FAM184A: variants seen among roughly 807,000 people sequenced by gnomAD.
FAM184A encodes protein FAM184A.
In FAM184A, 99 loss-of-function variants were observed where a neutral mutation model predicts 143.8. That is an observed-to-expected ratio of 0.69 (90% CI 0.58 to 0.81). The LOEUF is 0.81. FAM184A is among the 40% of genes least tolerant of loss of function. The pLI, the probability that FAM184A is intolerant of heterozygous loss-of-function variation, is 0.00. For synonymous variants in FAM184A, 427 were observed against 446.4 expected (o/e 0.96, Z 0.55); for missense variants, 1,217 against 1,310.5 (o/e 0.93, Z 1.10).
At chr6:119,104,197 T>C (rs1010089888) in intron 1 of FAM184A, among the ~76,000 whole-genome samples, 2 of 152,096 alleles carry the variant, frequency 1.3e-5, no homozygotes, top group Admixed American at 6.6e-5. Context: ...CTAATTTTTG[T>C]ATTTTTGCCA....
chr6:118,980,413 C>A, intron 9 of FAM184A, 63 bp from the exon 10 acceptor site: 1 of 1,274,306 alleles, frequency 7.8e-7, no homozygotes. Context: ...AACTACCCAG[C>A]AAAGGGGGAA....
intron 9 of FAM184A, among the ~76,000 whole-genome samples, chr6:119,001,998 T>C (rs1331350251): frequency 6.6e-6 from 1 of 152,172 alleles, no homozygotes; most frequent in Non-Finnish European, 1.5e-5. Context: ...AATGTAAACA[T>C]ACATATGTAT....
chr6:119,122,029 A>G (rs1305749547), intron 1 of FAM184A, among the ~76,000 whole-genome samples: 1 of 152,176 alleles, frequency 6.6e-6, no homozygotes, highest in Non-Finnish European at 1.5e-5. Flanking sequence ...TCGGCCTCCC[A>G]AAGTGCTGGG....
chr6:119,104,474 A>G (rs1230040847), intron 1 of FAM184A, among the ~76,000 whole-genome samples: 2 of 152,240 alleles, frequency 1.3e-5, no homozygotes, highest in Non-Finnish European at 2.9e-5. Flanking sequence ...ATAGTGCCTG[A>G]TAATAAAAGC....
intron 1 of FAM184A, among the ~76,000 whole-genome samples, chr6:119,131,771 C>T (rs1789541893): frequency 6.6e-6 from 1 of 151,980 alleles, no homozygotes; most frequent in Admixed American, 6.6e-5. Flanking sequence ...GCATGAGCCA[C>T]TGTGCCCAGC....
At chr6:119,102,505 A>G (rs534889691) in intron 1 of FAM184A, among the ~76,000 whole-genome samples, 54 of 152,198 alleles carry the variant, frequency 3.5e-4, no homozygotes, top group Middle Eastern at 6.8e-3. Context: ...ATATCACTAT[A>G]GGCTGGGCAC....
chr6:119,140,551 C>T (rs1237625417), intron 1 of FAM184A, among the ~76,000 whole-genome samples: 4 of 152,198 alleles, frequency 2.6e-5, no homozygotes, highest in East Asian at 1.9e-4. Flanking sequence ...CCATGCTCTC[C>T]GCTTTCTTTC....
At chr6:119,086,667 G>C (rs1788232054) in intron 1 of FAM184A, among the ~76,000 whole-genome samples, 1 of 152,194 alleles carries the variant, frequency 6.6e-6, no homozygotes. Flanking sequence ...CTTATGGAAG[G>C]GGACTTACAT....
At chr6:119,082,769 G>A (rs557598925), upstream of FAM184A, among the ~76,000 whole-genome samples, 15 of 152,314 alleles carry the variant, frequency 9.8e-5, no homozygotes, top group South Asian at 4.1e-4. Flanking sequence ...AGTGTTGAGC[G>A]CCTGTGGCTT....
intron 1 of FAM184A, among the ~76,000 whole-genome samples, chr6:119,051,618 C>T (rs1315905785): frequency 6.6e-6 from 1 of 152,006 alleles, no homozygotes; most frequent in Non-Finnish European, 1.5e-5. Context: ...ATCAAAACAT[C>T]TCATATACCC....
intron 1 of FAM184A, among the ~76,000 whole-genome samples, chr6:119,075,112 CAAACCTTTG>C (rs2114795614): frequency 6.6e-6 from 1 of 152,256 alleles, no homozygotes; most frequent in African/African-American, 2.4e-5. Flanking sequence ...CATAGCCAGC[CAAACCTTTG>C]AAACATGCAC....
chr6:119,142,663 G>A (rs1289614424), intron 1 of FAM184A, among the ~76,000 whole-genome samples: 1 of 152,160 alleles, frequency 6.6e-6, no homozygotes, highest in Non-Finnish European at 1.5e-5. Context: ...CCAGTACGAA[G>A]CCTCAGCATC....
chr6:118,989,468 C>A (rs1784297162), intron 9 of FAM184A, among the ~76,000 whole-genome samples: 1 of 116,246 alleles, frequency 8.6e-6, no homozygotes, highest in Non-Finnish European at 2.1e-5. Context: ...CTTTTGTTTC[C>A]ATTTTTTGCA....
chr6:119,137,714 G>A (rs574684070), intron 1 of FAM184A, among the ~76,000 whole-genome samples: 32 of 152,318 alleles, frequency 2.1e-4, no homozygotes, highest in African/African-American at 7.5e-4. Flanking sequence ...GGGTTTGTCA[G>A]GTTCTATGGG....
At chr6:119,039,700 C>A (rs116914520) in intron 1 of FAM184A, among the ~76,000 whole-genome samples, 21 of 152,282 alleles carry the variant, frequency 1.4e-4, no homozygotes, top group African/African-American at 5.1e-4. Context: ...CCCCACCCCC[C>A]ACTAGAAATG....
intron 1 of FAM184A, among the ~76,000 whole-genome samples, chr6:119,077,594 C>T (rs1218462446): frequency 6.6e-6 from 1 of 152,220 alleles, no homozygotes; most frequent in Non-Finnish European, 1.5e-5. Flanking sequence ...TGAGATTCAT[C>T]TAATAAGCCT....
rs976894190 is a variant in FAM184A at position 119,096,344 on chromosome 6, G to GA, written c.-202+52733dup. 4.8e-5 allele frequency among the ~76,000 whole-genome samples: 6 copies of GA among 125,564 alleles called. 3 individuals carry two copies. Among genetic ancestry groups the GA allele is most frequent in the Non-Finnish European group, 1.0e-4 (6 of 58,646 alleles). The allele number at this position is 125,564 out of a possible 152,430, so 82.4% of individuals were successfully genotyped here. ...TTACACTGCTTTGGAAGAACAGAAA[G>GA]AAAGAAAAGGGGCCGGGCGCGGTGG... On this transcript the variant is annotated intron_variant, in intron 1 of 16. Coordinates refer to the FAM184A transcript ENST00000352896.
At chr6:119,088,564 A>T (rs1304880470) in intron 1 of FAM184A, among the ~76,000 whole-genome samples, 2 of 152,184 alleles carry the variant, frequency 1.3e-5, no homozygotes, top group Non-Finnish European at 2.9e-5. Flanking sequence ...ATGGAAAATG[A>T]TACTAAATAT....
Position 119,045,744 on chromosome 6 carries a change from T to C in FAM184A, c.160-20931A>G, listed in dbSNP as rs567284036. ...AAGCTGCAATAACAAAGATTTCCTA[T>C]ATTTTCATGCTCAATTCAGACAAAA... On this transcript the variant is annotated intron_variant, in intron 1 of 17. Coordinates refer to ENST00000338891, the MANE Select transcript of FAM184A (RefSeq NM_024581.6). Among the ~76,000 whole-genome samples, 8 of 152,326 alleles carry C rather than the reference T, an allele frequency of 5.3e-5. 1 individual carries two copies. The South Asian group carries it at 1.7e-3, about 32-fold the overall frequency.
Sources: gnomAD v4.1 joint callset for allele counts (sites outside exome capture counted in the v4.1 genomes callset) on GRCh38, gnomAD v4.1.1 for gene constraint, MANE v1.5 for transcripts, NCBI Gene and HGNC (gene_info 2026-07-23, HGNC 2026-07-21) for gene names.